The following PARP15 variants were observed in gnomAD, a reference collection of about 807,000 sequenced individuals.
The protein encoded by PARP15 is poly(ADP-ribose) polymerase family member 15.
A neutral mutation model predicts 62.1 loss-of-function variants in PARP15; 50 were observed. The observed-to-expected ratio is 0.81, with a 90% CI of 0.64 to 1.02. The LOEUF (loss-of-function observed/expected upper bound fraction) is 1.02. PARP15 is among the 50% of genes least tolerant of loss of function. The probability of loss-of-function intolerance (pLI) is 0.00; values close to 1 mark genes in which losing one functional copy is unlikely to be tolerated. For missense variants in PARP15, 820 were observed against 826.5 expected (o/e 0.99, Z 0.10); for synonymous variants, 309 against 293.1 (o/e 1.05, Z -0.55).
At chr3:122,596,975 A>G (rs144282559) in intron 1 of PARP15, among the ~76,000 whole-genome samples, 50 of 152,350 alleles carry the variant, frequency 3.3e-4, no homozygotes, top group African/African-American at 1.2e-3. Flanking sequence ...AACTTTCAAT[A>G]GTGGTGTCTT....
At chr3:122,595,160 A>G (rs570016529) in intron 1 of PARP15, among the ~76,000 whole-genome samples, 142 of 152,242 alleles carry the variant, frequency 9.3e-4, no homozygotes, top group African/African-American at 3.4e-3. Flanking sequence ...GGATCTAGCT[A>G]AAGGAATTGT....
intron 4 of PARP15, among the ~76,000 whole-genome samples, chr3:122,614,549 G>A (rs887818460): frequency 6.6e-5 from 10 of 151,892 alleles, no homozygotes; most frequent in African/African-American, 9.7e-5. Context: ...TTTTTCCCCC[G>A]GTAAATATAA....
intron 6 of PARP15, among the ~76,000 whole-genome samples, chr3:122,617,580 T>C (rs1936064370): frequency 6.6e-6 from 1 of 152,230 alleles, no homozygotes; most frequent in South Asian, 2.1e-4. Context: ...TCGGTAGCTC[T>C]TCTCTTCTCT....
At chr3:122,615,431 C>A in intron 4 of PARP15, 1 of 1,270,360 alleles carries the variant, frequency 7.9e-7, no homozygotes, top group Non-Finnish European at 1.0e-6. Context: ...CTTCCCTCAG[C>A]CTATTGGATG....
Position 122,610,555 on chromosome 3 carries a change from G to A in PARP15, c.368G>A (p.Arg123Gln), listed in dbSNP as rs921458197. The change falls in exon 3 of 12, where the codon CGG (arginine) becomes CAG (glutamine). Residue 123 changes from arginine to glutamine, a missense_variant. Coordinates refer to ENST00000464300, the MANE Select transcript of PARP15 (RefSeq NM_001113523.3). Reference sequence around the variant, plus strand: ...CAGCTTGGAGGAGGACCACTATCTCGGGCATTTTTGCAGAAAGCTGGTCCC... The same window carrying A: ...CAGCTTGGAGGAGGACCACTATCTCAGGCATTTTTGCAGAAAGCTGGTCCC... ...NLQLGGGPLS[R>Q]AFLQKAGPML... 2.1e-5 allele frequency: 32 copies of A among 1,551,530 alleles called. 1 individual carries two copies. The highest frequency in any genetic ancestry group is 3.6e-5 in the South Asian group (3 of 84,058).
At chr3:122,592,646 G>A (rs1246201432) in intron 1 of PARP15, among the ~76,000 whole-genome samples, 1 of 151,520 alleles carries the variant, frequency 6.6e-6, no homozygotes, top group African/African-American at 2.4e-5. Context: ...ACCAGACAAG[G>A]CAAAGGAAGA....
intron 1 of PARP15, among the ~76,000 whole-genome samples, chr3:122,581,134 T>C (rs185961020): frequency 2.0e-5 from 3 of 152,340 alleles, no homozygotes; most frequent in Admixed American, 6.5e-5. Context: ...AATTGCCTAA[T>C]AACACATTTA....
At chr3:122,629,435 T>C (rs1228507186) in intron 9 of PARP15, among the ~76,000 whole-genome samples, 1 of 152,066 alleles carries the variant, frequency 6.6e-6, no homozygotes, top group African/African-American at 2.4e-5. Flanking sequence ...TCAGCTGGGA[T>C]CTTGGTTTTT....
chr3:122,615,633 A>T, intron 4 of PARP15, 146 bp from the exon 5 acceptor site: 6 of 1,509,320 alleles, frequency 4.0e-6, no homozygotes, highest in Non-Finnish European at 5.4e-6. Flanking sequence ...TTGAACCGCA[A>T]TCCTTTAAGA....
chr3:122,586,230 T>A (rs1576475386), intron 1 of PARP15, among the ~76,000 whole-genome samples: 1 of 886 alleles, frequency 1.1e-3, no homozygotes, highest in Admixed American at 0.025. Context: ...TTAAACGTAT[T>A]TTTTTTTTTC....
chr3:122,602,126 G>A (rs1304346687), intron 1 of PARP15, among the ~76,000 whole-genome samples: 1 of 152,082 alleles, frequency 6.6e-6, no homozygotes, highest in Non-Finnish European at 1.5e-5. Flanking sequence ...TCTCCCAGAT[G>A]CCCTGGGCTT....
At chr3:122,629,542 CCCAGGGA>C (rs1352264281) in intron 9 of PARP15, among the ~76,000 whole-genome samples, 3 of 152,078 alleles carry the variant, frequency 2.0e-5, no homozygotes, top group Admixed American at 6.6e-5. Context: ...ACTTTTTGGG[CCCAGGGA>C]CCAGTTTCAT....
chr3:122,599,738 T>C (rs1398209371), intron 1 of PARP15, among the ~76,000 whole-genome samples: 1 of 152,194 alleles, frequency 6.6e-6, no homozygotes, highest in African/African-American at 2.4e-5. Flanking sequence ...CAAGCCCAGC[T>C]AATTTTTCAA....
At chr3:122,622,711 C>G (rs527479711) in intron 8 of PARP15, among the ~76,000 whole-genome samples, 1 of 152,188 alleles carries the variant, frequency 6.6e-6, no homozygotes, top group Non-Finnish European at 1.5e-5. Flanking sequence ...TTTCTAGGAA[C>G]GCTTTCCTCA....
At chr3:122,608,213 C>CTTTTTTTTTTTT (rs71136576) in intron 2 of PARP15, among the ~76,000 whole-genome samples, 41 of 113,910 alleles carry the variant, frequency 3.6e-4, no homozygotes, top group East Asian at 6.9e-4. Flanking sequence ...TTTCTCTTTT[C>CTTTTTTTTTTTT]TTTTTTTTTT....
chr3:122,606,120 T>C, intron 2 of PARP15, 65 bp downstream of exon 2: 1 of 1,468,302 alleles, frequency 6.8e-7, no homozygotes. Flanking sequence ...GTTCTGTGAG[T>C]TGTTCCATGA....
At chr3:122,607,043 C>T (rs1576508615) in intron 2 of PARP15, among the ~76,000 whole-genome samples, 1 of 152,298 alleles carries the variant, frequency 6.6e-6, no homozygotes, top group Middle Eastern at 3.4e-3. Flanking sequence ...GGGTTCAGGA[C>T]CTTGTCCTCA....
intron 8 of PARP15, among the ~76,000 whole-genome samples, chr3:122,625,570 C>A (rs1936668943): frequency 6.6e-6 from 1 of 152,050 alleles, no homozygotes. Context: ...CTTTAAAGAG[C>A]TAATTAAGTT....
rs1323744350 is a variant in PARP15, at chr3:122,638,660, T to C, written c.*2560T>C. ...TTTGATGGGGTTCTTTGTTTTTTTC[T>C]TGTATATTTGTTTGAGTTCATTGTA... On this transcript the variant is annotated 3_prime_UTR_variant, in exon 12 of 12. Coordinates refer to ENST00000464300, the MANE Select transcript of PARP15 (RefSeq NM_001113523.3). 1 of 152,240 alleles carries C rather than the reference T, an allele frequency of 6.6e-6. No individual in the cohort carries two copies. The highest frequency in any genetic ancestry group is 2.4e-5 in the African/African-American group (1 of 41,462). The allele number at this position is 152,240 out of a possible 1,614,324, so 9.4% of individuals were successfully genotyped here.
Sources: allele counts gnomAD v4.1 joint callset (sites outside exome capture counted in the v4.1 genomes callset), GRCh38; gene constraint gnomAD v4.1.1; transcripts MANE v1.5; gene names NCBI Gene and HGNC (gene_info 2026-07-23, HGNC 2026-07-21).